Variants in NSDHL observed in about 807,000 individuals in gnomAD.
NSDHL encodes the protein NAD(P) dependent 3-beta-hydroxysteroid dehydrogenase NSDHL.
Under a neutral mutation model 23.0 loss-of-function variants are expected in NSDHL, and 1 was observed. That is an observed-to-expected ratio of 0.04 (90% CI 0.02 to 0.21). The LOEUF (loss-of-function observed/expected upper bound fraction) is 0.21. NSDHL is among the 10% of genes least tolerant of loss of function. The pLI, the probability that NSDHL is intolerant of heterozygous loss-of-function variation, is 1.00. For synonymous variants in NSDHL, 128 were observed against 121.1 expected (o/e 1.06, Z -0.37); for missense variants, 237 against 300.9 (o/e 0.79, Z 1.57).
intron 3 of NSDHL, among the ~76,000 whole-genome samples, chrX:152,854,112 C>G (rs190207758): frequency 1.8e-5 from 2 of 112,273 alleles, no homozygotes; most frequent in Admixed American, 1.9e-4. Context: ...AAGGCTCCCC[C>G]GCTGCCATGC....
At chrX:152,845,575 T>C (rs1189700546) in intron 1 of NSDHL, among the ~76,000 whole-genome samples, 2 of 111,197 alleles carry the variant, frequency 1.8e-5, no homozygotes, top group South Asian at 3.8e-4. Flanking sequence ...TTTGGCAACG[T>C]TGTCGGATTT....
rs1054126506 is a variant in NSDHL at position 152,842,644 on chromosome X, C to T, written c.-43-3638C>T. Among the ~76,000 whole-genome samples the T allele has an allele frequency of 8.1e-5, 9 of 111,260 alleles. No homozygotes were observed. In the South Asian group the frequency reaches 1.5e-3, roughly 19 times the overall value. The stretch of plus-strand genomic sequence containing the variant: ...AGCCTCCCGAGTAGTTGGGATTACA[C>T]GCATGTGCCACCACGCCCAGCTAAT... On this transcript the variant is annotated intron_variant, in intron 1 of 7. Coordinates refer to ENST00000370274, the MANE Select transcript of NSDHL (RefSeq NM_015922.3).
rs185998631 is a variant in NSDHL at position 152,841,411 on chromosome X, C to T, written c.-43-4871C>T. Among the ~76,000 whole-genome samples, 26 of 111,816 alleles carry T rather than the reference C, an allele frequency of 2.3e-4. No individual in the cohort carries two copies. In the East Asian group the frequency reaches 6.3e-3, roughly 27 times the overall value. On this transcript the variant is annotated intron_variant, in intron 1 of 7. Coordinates refer to ENST00000370274, the MANE Select transcript of NSDHL (RefSeq NM_015922.3). The stretch of plus-strand genomic sequence containing the variant: ...GTCGATCACGCTGGGAGCTGCAGAC[C>T]GGAGCTGTTCCTATTCGGCCCTCTT...
intron 3 of NSDHL, among the ~76,000 whole-genome samples, chrX:152,858,376 A>C (rs1474229407): frequency 1.3e-4 from 15 of 112,254 alleles, no homozygotes; most frequent in Non-Finnish European, 2.6e-4. Flanking sequence ...ATGCCTGTGT[A>C]TTGGCTATTT....
chrX:152,845,377 G>A (rs986534548), intron 1 of NSDHL, among the ~76,000 whole-genome samples: 20 of 111,978 alleles, frequency 1.8e-4, no homozygotes, highest in African/African-American at 5.9e-4. Context: ...CTCTTGTCTT[G>A]TCGTGGGTTT....
At chrX:152,866,084 A>G (rs926677761) in intron 6 of NSDHL, 123 bp downstream of exon 6, 3 of 802,188 alleles carry the variant, frequency 3.7e-6, no homozygotes, top group Non-Finnish European at 5.6e-6. Context: ...TGGTCCATGC[A>G]GGCTGCTGTA....
intron 3 of NSDHL, among the ~76,000 whole-genome samples, chrX:152,854,502 C>T (rs1360390103): frequency 1.8e-5 from 2 of 110,048 alleles, no homozygotes; most frequent in Admixed American, 9.7e-5. Context: ...CTCCGCCTCC[C>T]AGGTTCAAGC....
intron 3 of NSDHL, among the ~76,000 whole-genome samples, chrX:152,858,163 G>A (rs1489005981): frequency 4.5e-5 from 5 of 111,350 alleles, no homozygotes; most frequent in African/African-American, 1.6e-4. Context: ...TGCTTTTAAC[G>A]TGACCCCGGT....
chrX:152,831,727 G>T (rs1367349926), intron 1 of NSDHL: 1 of 111,497 alleles, frequency 9.0e-6, no homozygotes, highest in Non-Finnish European at 1.9e-5. Context: ...AAAAGGGAGC[G>T]TGTGCAAGGG....
chrX:152,868,594 C>G (rs1211114229), intron 7 of NSDHL, among the ~76,000 whole-genome samples, 190 bp from the exon 8 acceptor site: 1 of 112,543 alleles, frequency 8.9e-6, no homozygotes, highest in Non-Finnish European at 1.9e-5. Context: ...ATTTAAAATC[C>G]TGGCCCATAG....
chrX:152,848,764 A>G (rs901355117), intron 2 of NSDHL, among the ~76,000 whole-genome samples: 1 of 112,118 alleles, frequency 8.9e-6, no homozygotes, highest in Non-Finnish European at 1.9e-5. Flanking sequence ...GGCAGCTCAG[A>G]GTTATTCTAA....
chrX:152,840,213 TC>T (rs1556844692), intron 1 of NSDHL, among the ~76,000 whole-genome samples: 1 of 112,273 alleles, frequency 8.9e-6, no homozygotes, highest in African/African-American at 3.2e-5. Flanking sequence ...TAACCTTTTT[TC>T]AAGGTTTTTA....
At chrX:152,867,501 C>T in intron 6 of NSDHL, 70 bp from the exon 7 acceptor site, 1 of 799,018 alleles carries the variant, frequency 1.3e-6, no homozygotes, top group Non-Finnish European at 1.9e-6. Flanking sequence ...AATGCCAAGA[C>T]TTGGGAGTGG....
chrX:152,861,737 G>A (rs1396798258), intron 4 of NSDHL, among the ~76,000 whole-genome samples: 7 of 112,539 alleles, frequency 6.2e-5, no homozygotes, highest in Admixed American at 4.7e-4. Context: ...AAATTTATTT[G>A]TATGTACTTC....
At chrX:152,844,209 C>CAT (rs1399043472) in intron 1 of NSDHL, among the ~76,000 whole-genome samples, 6 of 112,223 alleles carry the variant, frequency 5.3e-5, no homozygotes, top group African/African-American at 1.9e-4. Flanking sequence ...ATTTACTTTA[C>CAT]ATATGAGGAA....
intron 1 of NSDHL, among the ~76,000 whole-genome samples, chrX:152,839,066 C>T (rs1403767892): frequency 8.9e-6 from 1 of 111,966 alleles, no homozygotes; most frequent in Non-Finnish European, 1.9e-5. Context: ...CCTTCTTTGT[C>T]TCTTTTGATC....
At chrX:152,860,968 C>T (rs1252069472) in intron 4 of NSDHL, among the ~76,000 whole-genome samples, 1 of 112,112 alleles carries the variant, frequency 8.9e-6, no homozygotes, top group African/African-American at 3.2e-5. Context: ...AACAGATCCT[C>T]CTGCAACTTG....
chrX:152,837,725 G>A (rs1467864891), intron 1 of NSDHL, among the ~76,000 whole-genome samples: 8 of 111,698 alleles, frequency 7.2e-5, no homozygotes, highest in South Asian at 3.7e-4. Context: ...TTTTTGCATC[G>A]ATGTTCATCA....
At chrX:152,841,658 A>T (rs1184527550) in intron 1 of NSDHL, among the ~76,000 whole-genome samples, 1 of 112,338 alleles carries the variant, frequency 8.9e-6, no homozygotes, top group East Asian at 2.8e-4. Context: ...GATTCAAATA[A>T]CTAACATTTT....
Sources: gnomAD v4.1 joint callset for allele counts (sites outside exome capture counted in the v4.1 genomes callset) on GRCh38, gnomAD v4.1.1 for gene constraint, MANE v1.5 for transcripts, NCBI Gene and HGNC (gene_info 2026-07-23, HGNC 2026-07-21) for gene names.